Variants in TRIM37 observed in about 807,000 individuals in gnomAD.
TRIM37 encodes E3 ubiquitin-protein ligase TRIM37.
Under a neutral mutation model 129.8 loss-of-function variants are expected in TRIM37, and 80 were observed. That is an observed-to-expected ratio of 0.62 (90% CI 0.51 to 0.74). The LOEUF (loss-of-function observed/expected upper bound fraction) is 0.74. TRIM37 is among the 30% of genes least tolerant of loss of function. The pLI is 0.00. For missense variants in TRIM37, 1,054 were observed against 1,176.5 expected, an observed-to-expected ratio of 0.90 and a Z score of 1.52; for synonymous variants, 389 against 387.1, an observed-to-expected ratio of 1.00 and a Z score of -0.06.
chr17:59,057,162 T>C, intron 12 of TRIM37, 108 bp from the exon 13 acceptor site: 2 of 906,118 alleles, frequency 2.2e-6, no homozygotes, highest in Admixed American at 2.2e-5. Context: ...AGAAACCTTA[T>C]TGATATACGC....
the TRIM37 span, chr17:58,969,465 TGATGC>T: frequency 7.0e-7 from 1 of 1,424,554 alleles, no homozygotes; most frequent in African/African-American, 1.4e-5. Context: ...TGGGCAACAA[TGATGC>T]CAGGAGATTG....
intron 24 of TRIM37, chr17:58,983,326 T>C (rs997475764): frequency 1.2e-5 from 2 of 160,432 alleles, no homozygotes; most frequent in Non-Finnish European, 2.7e-5. Context: ...TTAGGTACCA[T>C]TTGTAAGGTA....
intron 16 of TRIM37, among the ~76,000 whole-genome samples, chr17:59,047,152 CAAAAAAAAAGGAAA>C (rs2039905335): frequency 8.0e-6 from 1 of 125,674 alleles, no homozygotes; most frequent in Non-Finnish European, 1.7e-5. Flanking sequence ...GACTCCGTCT[CAAAAAAAAAGGAAA>C]AAAAAAAAAG....
downstream of TRIM37, chr17:58,981,098 G>A: frequency 8.7e-7 from 1 of 1,152,986 alleles, no homozygotes; most frequent in Admixed American, 2.4e-5. Context: ...TAGAAACAAG[G>A]TAGACATTTC....
At chr17:59,069,106 G>A (rs1448608118) in intron 9 of TRIM37, among the ~76,000 whole-genome samples, 1 of 152,122 alleles carries the variant, frequency 6.6e-6, no homozygotes, top group African/African-American at 2.4e-5. Flanking sequence ...CAGCACTTTG[G>A]GAGGTCGAGG....
In TRIM37 at chr17:59,083,936, C is replaced by T. The variant is rs2043529550; in HGVS notation, c.369+66G>A. ...AGAGCATAATGACACTATTTTCTAT[C>T]TGAATAAGTATTTCAGTGCCTTCTA... On this transcript the variant is annotated intron_variant, in intron 5 of 23. Transcript: ENST00000262294. 3.1e-6 allele frequency: 4 copies of T among 1,280,566 alleles called. 1 individual carries two copies. The Admixed American group carries it at 6.7e-5, about 22-fold the overall frequency. The allele number at this position is 1,280,566 out of a possible 1,614,324, so 79.3% of individuals were successfully genotyped here.
intron 19 of TRIM37, among the ~76,000 whole-genome samples, chr17:59,023,759 T>C (rs761712232): frequency 2.6e-5 from 4 of 151,774 alleles, no homozygotes; most frequent in Non-Finnish European, 5.9e-5. Flanking sequence ...AGTTGAAAAA[T>C]TATAAAAATC....
rs539240668 is a variant in TRIM37, at chr17:59,047,015, G to A, written c.1667+668C>T. The stretch of plus-strand genomic sequence containing the variant: ...TAAAAATACAAAAAATTAGCTGGGC[G>A]AGGTGGCGGGCGCCTGTAGTTCTAG... On this transcript the variant is annotated intron_variant, in intron 16 of 23. Transcript: ENST00000262294. 2.2e-3 allele frequency among the ~76,000 whole-genome samples: 338 copies of A among 151,808 alleles called. 1 individual carries two copies. The highest frequency in any genetic ancestry group is 7.6e-3 in the African/African-American group (317 of 41,462).
intron 8 of TRIM37, among the ~76,000 whole-genome samples, chr17:59,072,085 C>T (rs1046643789): frequency 6.6e-6 from 1 of 152,124 alleles, no homozygotes; most frequent in Non-Finnish European, 1.5e-5. Flanking sequence ...TGGGGTAGGG[C>T]CTTAATCTAA....
At chr17:58,987,741 A>G (rs1202487108) in intron 24 of TRIM37, among the ~76,000 whole-genome samples, 1 of 152,196 alleles carries the variant, frequency 6.6e-6, no homozygotes, top group Non-Finnish European at 1.5e-5. Flanking sequence ...CTATTTCCCA[A>G]ATTTTTCTAA....
At chr17:59,025,371 C>T (rs891889363) in intron 19 of TRIM37, among the ~76,000 whole-genome samples, 9 of 150,556 alleles carry the variant, frequency 6.0e-5, no homozygotes, top group East Asian at 3.9e-4. Flanking sequence ...AATATTATTG[C>T]CATGAATATT....
intron 4 of TRIM37, chr17:59,087,916 G>A: frequency 3.1e-6 from 1 of 317,806 alleles, no homozygotes; most frequent in Non-Finnish European, 5.8e-6. Context: ...TTCAATCATG[G>A]AACATAAGAC....
At chr17:59,036,176 G>T (rs1436296756) in intron 17 of TRIM37, among the ~76,000 whole-genome samples, 1 of 152,144 alleles carries the variant, frequency 6.6e-6, no homozygotes, top group Non-Finnish European at 1.5e-5. Flanking sequence ...GGGAGGCTGA[G>T]GCAGGAGGAC....
intron 17 of TRIM37, among the ~76,000 whole-genome samples, chr17:59,038,100 T>A (rs1457104531): frequency 6.6e-6 from 1 of 152,198 alleles, no homozygotes; most frequent in African/African-American, 2.4e-5. Flanking sequence ...CTTACAATAC[T>A]AAATTTAATC....
intron 11 of TRIM37, among the ~76,000 whole-genome samples, chr17:59,062,362 C>A (rs2041567031): frequency 6.6e-6 from 1 of 152,030 alleles, no homozygotes; most frequent in South Asian, 2.1e-4. Context: ...TTCCAATAGG[C>A]CTTCCAGCAG....
At chr17:59,101,933 C>A in intron 2 of TRIM37, among the ~76,000 whole-genome samples, 1 of 148,372 alleles carries the variant, frequency 6.7e-6, no homozygotes, top group Non-Finnish European at 1.5e-5. Context: ...AGCAAGAATC[C>A]ATCTCAAAAA....
intron 17 of TRIM37, among the ~76,000 whole-genome samples, chr17:59,039,689 T>C (rs1315933917): frequency 6.6e-6 from 1 of 151,870 alleles, no homozygotes; most frequent in African/African-American, 2.4e-5. Context: ...TCTCTCCAAA[T>C]TGGTAGATCT....
chr17:59,052,213 T>TAAAA (rs35673171), intron 13 of TRIM37, among the ~76,000 whole-genome samples: 1 of 143,886 alleles, frequency 6.9e-6, no homozygotes, highest in Non-Finnish European at 1.5e-5. Flanking sequence ...TTGTTTTAAT[T>TAAAA]AAAAAAAAAA....
At chr17:59,028,797 C>T in intron 18 of TRIM37, 74 bp from the exon 19 acceptor site, 1 of 1,507,582 alleles carries the variant, frequency 6.6e-7, no homozygotes, top group Middle Eastern at 1.7e-4. Flanking sequence ...TGAATATATG[C>T]AAATTTGATG....
Sources: gnomAD v4.1 joint callset for allele counts (sites outside exome capture counted in the v4.1 genomes callset) on GRCh38, gnomAD v4.1.1 for gene constraint, MANE v1.5 for transcripts, NCBI Gene and HGNC (gene_info 2026-07-23, HGNC 2026-07-21) for gene names.